The following FHAD1 variants were observed in gnomAD, a reference collection of about 807,000 sequenced individuals.
FHAD1 encodes the protein forkhead-associated domain-containing protein 1.
Under a neutral mutation model 191.3 loss-of-function variants are expected in FHAD1, and 146 were observed. That is an observed-to-expected ratio of 0.76 (90% CI 0.67 to 0.88). The LOEUF (loss-of-function observed/expected upper bound fraction) is 0.88, where lower values mean the gene tolerates loss of function less well. FHAD1 is among the 40% of genes least tolerant of loss of function. FHAD1 has a pLI of 0.00. For missense variants in FHAD1, 1,635 were observed against 1,785.8 expected (o/e 0.92, Z 1.52); for synonymous variants, 616 against 672.3 (o/e 0.92, Z 1.29).
chr1:15,350,520 G>A (rs936852717), intron 19 of FHAD1, among the ~76,000 whole-genome samples: 6 of 152,220 alleles, frequency 3.9e-5, no homozygotes, highest in Non-Finnish European at 5.9e-5. Context: ...AAGATGGGAG[G>A]CACCAGGGCG....
At position 15,335,040 on chromosome 1, in the gene FHAD1, C is replaced by T. The variant is rs140185260; in HGVS notation, c.1907-4441C>T. 1.0e-3 allele frequency among the ~76,000 whole-genome samples: 159 copies of T among 152,314 alleles called. 4 individuals are homozygous for T. In the East Asian group the frequency reaches 0.019, roughly 18 times the overall value. On this transcript the variant is annotated intron_variant, in intron 14 of 33. Coordinates refer to ENST00000688493, the MANE Select transcript of FHAD1 (RefSeq NM_001391957.1). ...ACATCCTCCTAAGAGATAAAACACG[C>T]GTCACAAACTAGGATGGAAATCCTG...
In FHAD1 at chr1:15,324,574, G is replaced by C; in HGVS notation, c.1473+15G>C. On this transcript the variant is annotated intron_variant, in intron 11 of 33. Transcript: ENST00000688493. ...CAGTAGGTCAGGTAGGCATGTTCCAGAGCCCCCCTCATTGGCCCACGCTCT... is the reference window on the plus strand; with the variant it reads ...CAGTAGGTCAGGTAGGCATGTTCCACAGCCCCCCTCATTGGCCCACGCTCT... 7 of 1,527,422 alleles carry C rather than the reference G, an allele frequency of 4.6e-6. No homozygotes were observed. The highest frequency in any genetic ancestry group is 6.2e-6 in the Non-Finnish European group (7 of 1,125,458). 94.6% of individuals were successfully genotyped at this position (1,527,422 alleles called of 1,614,324 possible).
intron 12 of FHAD1, 58 bp from the exon 13 acceptor site, chr1:15,328,219 C>T (rs1679658429): frequency 4.4e-6 from 6 of 1,366,126 alleles, no homozygotes; most frequent in Middle Eastern, 1.9e-4. Context: ...CCCTCAGGGC[C>T]CCCCACCCCT....
intron 3 of FHAD1, among the ~76,000 whole-genome samples, chr1:15,280,205 T>TTCAA (rs1178645317): frequency 2.0e-5 from 3 of 151,972 alleles, no homozygotes; most frequent in Non-Finnish European, 4.4e-5. Context: ...TAACTGGGGA[T>TTCAA]TGAACAAAGA....
At chr1:15,323,990 G>A (rs1677297586) in intron 10 of FHAD1, among the ~76,000 whole-genome samples, 1 of 152,174 alleles carries the variant, frequency 6.6e-6, no homozygotes, top group Admixed American at 6.6e-5. Context: ...GGATGACTCT[G>A]TATAGTGGCT....
rs772935452 is a variant in FHAD1 at position 15,311,437 on chromosome 1, A to ACAGG, written c.1040-1619_1040-1616dup. Reference sequence around the variant, plus strand: ...CCAGAATGGGGCAACCTTGCACTACACAGGGCACCTGGTAGAGACTCAAGC... The same window carrying ACAGG: ...CCAGAATGGGGCAACCTTGCACTACACAGGCAGGGCACCTGGTAGAGACTCAAGC... On this transcript the variant is annotated intron_variant, in intron 7 of 33. Transcript: ENST00000688493. This position sits in a 1 kb window ranked among gnomAD's most constrained non-coding sequence, Gnocchi z 4.1. Among the ~76,000 whole-genome samples the ACAGG allele has an allele frequency of 1.2e-4, 19 of 152,170 alleles. No individual in the cohort carries two copies. The highest frequency in any genetic ancestry group is 2.2e-4 in the Non-Finnish European group (15 of 68,032).
rs551005081 is a variant in FHAD1 at position 15,268,006 on chromosome 1, T to C, written c.94-4317T>C. On this transcript the variant is annotated intron_variant, in intron 2 of 33. Transcript: ENST00000688493. ...TCTTTTCTTTTTTTAATTTTATTATTATTATACTTTTAAGTTTTAGGGTAC... is the reference window on the plus strand; with the variant it reads ...TCTTTTCTTTTTTTAATTTTATTATCATTATACTTTTAAGTTTTAGGGTAC... Among the ~76,000 whole-genome samples the C allele has an allele frequency of 6.0e-5, 9 of 151,092 alleles. No homozygotes were observed. The East Asian group carries it at 1.2e-3, about 19-fold the overall frequency.
chr1:15,296,964 G>T (rs368149707), intron 5 of FHAD1, among the ~76,000 whole-genome samples, 171 bp downstream of exon 5: 1 of 152,164 alleles, frequency 6.6e-6, no homozygotes, highest in Non-Finnish European at 1.5e-5. Context: ...TACGACCTCC[G>T]CAACCACTGT....
Position 15,360,630 on chromosome 1 carries a change from G to C in FHAD1, c.2889G>C (p.Glu963Asp). The part of the protein sequence containing the change: ...QHAQTIVSLE[E>D]KLQKVTQHHK... ...CCCAGACAATTGTGAGCCTCGAAGA[G>C]AAACTCCAGAAAGTCACTCAGCACC... is the stretch of plus-strand genomic sequence containing the variant. The change falls in exon 22 of 34, where the codon GAG (glutamate) becomes GAC (aspartate). Residue 963 changes from glutamate (E) to aspartate (D), a missense_variant. Transcript: ENST00000688493. 1 of 1,552,008 alleles carries C rather than the reference G, an allele frequency of 6.4e-7. No individual in the cohort carries two copies. The highest frequency in any genetic ancestry group is 8.7e-7 in the Non-Finnish European group (1 of 1,147,076).
chr1:15,376,379 T>C (rs1197460935), intron 28 of FHAD1, among the ~76,000 whole-genome samples: 1 of 152,222 alleles, frequency 6.6e-6, no homozygotes, highest in Non-Finnish European at 1.5e-5. Flanking sequence ...CGTGAGCCAC[T>C]GTGCCCGGCC....
chr1:15,380,730 C>A lies in FHAD1; in HGVS notation c.3735C>A (p.Phe1245Leu). 6 of 1,551,670 alleles carry A rather than the reference C, an allele frequency of 3.9e-6. No individual in the cohort carries two copies. The highest frequency in any genetic ancestry group is 4.4e-6 in the Non-Finnish European group (5 of 1,146,976). The stretch of plus-strand genomic sequence containing the variant: ...AGAATGGCCTTTGCAACGCAAGGTT[C>A]GGCTCAGCCATGGAGAAGTCAGGGA... ...APQNGLCNAR[F>L]GSAMEKSGKM... Residue 1245 changes from phenylalanine to leucine, a missense_variant, in exon 29 of 34, where the codon TTC becomes TTA. By Grantham distance (22) the Phe-to-Leu change is conservative. Coordinates refer to ENST00000688493, the MANE Select transcript of FHAD1 (RefSeq NM_001391957.1).
rs1663846101 is a variant in FHAD1, at chr1:15,289,707, A to C, written c.568+41A>C. The stretch of plus-strand genomic sequence containing the variant: ...GCCATTGGTGGCTTGGGGGTGGTTC[A>C]CGGCCATGTGGATGGGTCTTGGTTT... On this transcript the variant is annotated intron_variant, in intron 4 of 33. Coordinates refer to ENST00000688493, the MANE Select transcript of FHAD1 (RefSeq NM_001391957.1). The surrounding 1 kb of genome is among the most constrained non-coding windows in gnomAD (Gnocchi z 4.2). 1.3e-6 allele frequency: 2 copies of C among 1,520,134 alleles called. No homozygotes were observed. Among genetic ancestry groups the C allele is most frequent in the African/African-American group, 2.8e-5 (2 of 72,522 alleles). The allele number at this position is 1,520,134 out of a possible 1,614,324, so 94.2% of individuals were successfully genotyped here.
intron 2 of FHAD1, among the ~76,000 whole-genome samples, chr1:15,269,540 T>A (rs1234647954): frequency 1.3e-5 from 2 of 152,270 alleles, no homozygotes; most frequent in East Asian, 3.8e-4. Context: ...ATGATTTCTA[T>A]TCCTTTAAAT....
intron 2 of FHAD1, among the ~76,000 whole-genome samples, chr1:15,269,541 T>C (rs1654991034): frequency 6.6e-6 from 1 of 152,256 alleles, no homozygotes; most frequent in South Asian, 2.1e-4. Context: ...TGATTTCTAT[T>C]CCTTTAAATT....
chr1:15,386,849 C>CTTTTTTTTTTTTTTTT (rs59453670), intron 31 of FHAD1, among the ~76,000 whole-genome samples: 12 of 144,226 alleles, frequency 8.3e-5, no homozygotes, highest in African/African-American at 1.6e-4. Flanking sequence ...TCCTTTCTTT[C>CTTTTTTTTTTTTTTTT]TTTTTTTTTT....
At chr1:15,256,808 A>G (rs1001601881) in intron 2 of FHAD1, among the ~76,000 whole-genome samples, 2 of 152,202 alleles carry the variant, frequency 1.3e-5, no homozygotes, top group African/African-American at 4.8e-5. Flanking sequence ...GGCGAAGATC[A>G]TGGAGAAAAG....
upstream of FHAD1, among the ~76,000 whole-genome samples, chr1:15,243,873 C>A (rs1394784509): frequency 6.6e-6 from 1 of 152,156 alleles, no homozygotes; most frequent in Non-Finnish European, 1.5e-5. Flanking sequence ...GAAATACCTT[C>A]CTTGTCACAT....
intron 10 of FHAD1, among the ~76,000 whole-genome samples, chr1:15,320,006 A>G (rs1196129199): frequency 6.6e-6 from 1 of 152,220 alleles, no homozygotes; most frequent in Non-Finnish European, 1.5e-5. Context: ...ATTTTTCTCT[A>G]AACAAGGCTT....
chr1:15,244,102 C>T (rs1282733656), upstream of FHAD1, among the ~76,000 whole-genome samples: 1 of 151,798 alleles, frequency 6.6e-6, no homozygotes, highest in African/African-American at 2.4e-5. This position sits in a 1 kb window ranked among gnomAD's most constrained non-coding sequence, Gnocchi z 5.1. Flanking sequence ...TGTTTAATTG[C>T]AATGTACAAC....
Sources: gnomAD v4.1 joint callset for allele counts (sites outside exome capture counted in the v4.1 genomes callset) on GRCh38, gnomAD v4.1.1 for gene constraint, Gnocchi (gnomAD v3.1) non-coding constraint, MANE v1.5 for transcripts, NCBI Gene and HGNC (gene_info 2026-07-23, HGNC 2026-07-21) for gene names.